The following ADCK1 variants were observed in gnomAD, a reference collection of about 807,000 sequenced individuals.
ADCK1 encodes the protein aarF domain containing kinase 1, also known as aarF domain-containing protein kinase 1.
ADCK1 carries 41 observed loss-of-function variants against 52.3 expected under a neutral mutation model. The ratio of observed to expected loss-of-function variants is 0.78; its 90% confidence interval spans 0.61 to 1.02. ADCK1 has a LOEUF of 1.02. Ranked by LOEUF, ADCK1 falls within the 50% of genes least tolerant of loss-of-function variation. ADCK1 has a pLI of 0.00. For synonymous variants in ADCK1, 250 were observed against 274.6 expected (o/e 0.91, Z 0.89); for missense variants, 658 against 679.5 (o/e 0.97, Z 0.35).
intron 3 of ADCK1, among the ~76,000 whole-genome samples, chr14:77,848,982 C>T (rs1186514895): frequency 1.4e-4 from 21 of 152,166 alleles, no homozygotes; most frequent in African/African-American, 3.4e-4. Flanking sequence ...CCCGCTACCA[C>T]GCCCAGCTAA....
Position 77,801,258 on chromosome 14 carries a change from C to T in ADCK1, c.-12+1088C>T, listed in dbSNP as rs75696557. Among the ~76,000 whole-genome samples the T allele has an allele frequency of 8.8e-3, 1,343 of 152,246 alleles. 14 individuals are homozygous for T. Among genetic ancestry groups the T allele is most frequent in the Non-Finnish European group, 0.013 (881 of 68,018 alleles). On this transcript the variant is annotated intron_variant, in intron 1 of 10. Transcript: ENST00000238561. ...GTTTCTAACATGCACCCAAGTGATG[C>T]AGTTGCTGTTGGTCTGGGGACCATA... is the stretch of plus-strand genomic sequence containing the variant.
chr14:77,919,249 C>T (rs2083994437), intron 7 of ADCK1, among the ~76,000 whole-genome samples: 1 of 152,194 alleles, frequency 6.6e-6, no homozygotes, highest in Non-Finnish European at 1.5e-5. Flanking sequence ...ACCCTTCTCC[C>T]CAAGTCCCCA....
chr14:77,821,983 T>C (rs934313164), intron 2 of ADCK1, among the ~76,000 whole-genome samples: 5 of 152,030 alleles, frequency 3.3e-5, no homozygotes, highest in African/African-American at 1.2e-4. Context: ...GCTAAGTTTA[T>C]GTAACAACTT....
chr14:77,878,206 A>T (rs1332897429), intron 4 of ADCK1, among the ~76,000 whole-genome samples: 1 of 152,284 alleles, frequency 6.6e-6, no homozygotes, highest in Non-Finnish European at 1.5e-5. Context: ...CCAGTGATTA[A>T]CATCGTGCCC....
intron 1 of ADCK1, among the ~76,000 whole-genome samples, chr14:77,804,859 G>A (rs2081185889): frequency 6.6e-6 from 1 of 152,120 alleles, no homozygotes; most frequent in Non-Finnish European, 1.5e-5. Context: ...CATCCTCTGT[G>A]TTTGCCTTGT....
chr14:77,829,351 G>A (rs1228649467), intron 3 of ADCK1, among the ~76,000 whole-genome samples: 1 of 149,924 alleles, frequency 6.7e-6, no homozygotes, highest in Non-Finnish European at 1.5e-5. Flanking sequence ...CCAGAGTGTA[G>A]TGGTGCGATC....
At chr14:77,930,866 C>G (rs1195964030) in intron 9 of ADCK1, among the ~76,000 whole-genome samples, 2 of 152,166 alleles carry the variant, frequency 1.3e-5, no homozygotes, top group Non-Finnish European at 2.9e-5. Context: ...GGGCATTTAT[C>G]TGCTTAGAGC....
At chr14:77,839,633 C>T (rs1352533182) in intron 3 of ADCK1, among the ~76,000 whole-genome samples, 2 of 151,960 alleles carry the variant, frequency 1.3e-5, no homozygotes, top group Non-Finnish European at 2.9e-5. Flanking sequence ...GCAGTGATGG[C>T]AGGTAGAAGT....
intron 4 of ADCK1, among the ~76,000 whole-genome samples, chr14:77,860,468 C>T (rs1348295184): frequency 6.6e-6 from 1 of 152,138 alleles, no homozygotes; most frequent in Non-Finnish European, 1.5e-5. Context: ...TGGAGCTGGC[C>T]CCAGGTACGC....
chr14:77,932,054 T>C (rs144358553), intron 10 of ADCK1, among the ~76,000 whole-genome samples: 63 of 152,174 alleles, frequency 4.1e-4, no homozygotes, highest in African/African-American at 1.4e-3. Flanking sequence ...TTAATTTATT[T>C]ATTTTCTTTT....
intron 4 of ADCK1, among the ~76,000 whole-genome samples, chr14:77,883,702 G>GGTGGT (rs1462128942): frequency 3.3e-5 from 5 of 152,140 alleles, no homozygotes; most frequent in African/African-American, 4.8e-5. Flanking sequence ...ACACTGGGGA[G>GGTGGT]GTGGTGGGGT....
intron 4 of ADCK1, among the ~76,000 whole-genome samples, chr14:77,870,514 A>T: frequency 6.6e-6 from 1 of 152,168 alleles, no homozygotes; most frequent in East Asian, 1.9e-4. Flanking sequence ...TGTAGGACGG[A>T]TGGAGGGAGC....
chr14:77,891,325 G>GCAGC (rs768907909), intron 5 of ADCK1, among the ~76,000 whole-genome samples: 1 of 152,188 alleles, frequency 6.6e-6, no homozygotes, highest in Non-Finnish European at 1.5e-5. Context: ...CAGCTGTGGA[G>GCAGC]CAGCCATAGC....
rs2084011085 is a variant in ADCK1, at chr14:77,919,902, A to G, written c.859-4555A>G. ...ATCTTCTTTTGAGAATTGTCTATTCATGTCCTTAGCCCACTTTTTGATGGG... is the reference window on the plus strand; with the variant it reads ...ATCTTCTTTTGAGAATTGTCTATTCGTGTCCTTAGCCCACTTTTTGATGGG... On this transcript the variant is annotated intron_variant, in intron 7 of 10. Coordinates refer to ENST00000238561, the MANE Select transcript of ADCK1 (RefSeq NM_020421.4). Among the ~76,000 whole-genome samples, 4 of 152,154 alleles carry G rather than the reference A, an allele frequency of 2.6e-5. No individual in the cohort carries two copies. In the South Asian group the frequency reaches 8.3e-4, roughly 32 times the overall value.
intron 4 of ADCK1, among the ~76,000 whole-genome samples, chr14:77,877,147 G>A (rs2082918403): frequency 6.6e-6 from 1 of 152,200 alleles, no homozygotes; most frequent in Middle Eastern, 3.2e-3. Context: ...CCTGGGAGGT[G>A]GAGGCTGCAG....
At chr14:77,888,107 C>G (rs2083200964) in intron 5 of ADCK1, among the ~76,000 whole-genome samples, 1 of 152,130 alleles carries the variant, frequency 6.6e-6, no homozygotes, top group Non-Finnish European at 1.5e-5. Context: ...TAAACAGTCA[C>G]AGCGTGTTTG....
At chr14:77,802,838 C>A (rs1299172855) in intron 1 of ADCK1, among the ~76,000 whole-genome samples, 1 of 152,040 alleles carries the variant, frequency 6.6e-6, no homozygotes, top group African/African-American at 2.4e-5. Flanking sequence ...CCTGTAGTCC[C>A]AGCTACTCAG....
intron 3 of ADCK1, among the ~76,000 whole-genome samples, chr14:77,843,064 AT>A (rs895928715): frequency 1.3e-5 from 2 of 151,486 alleles, no homozygotes; most frequent in Non-Finnish European, 2.9e-5. Context: ...TAATTAAAAA[AT>A]TTTTTTTGTA....
intron 2 of ADCK1, among the ~76,000 whole-genome samples, chr14:77,820,083 C>G (rs138030651): frequency 2.1e-4 from 32 of 152,274 alleles, no homozygotes; most frequent in African/African-American, 7.7e-4. Context: ...CATTGTCTTA[C>G]ATGCTTTGAG....
Sources: gnomAD v4.1 joint callset for allele counts (sites outside exome capture counted in the v4.1 genomes callset) on GRCh38, gnomAD v4.1.1 for gene constraint, MANE v1.5 for transcripts, NCBI Gene and HGNC (gene_info 2026-07-23, HGNC 2026-07-21) for gene names.